Variants in PDLIM5 observed in about 807,000 individuals in gnomAD.
PDLIM5 encodes PDZ and LIM domain 5.
In PDLIM5, 34 loss-of-function variants were observed where a neutral mutation model predicts 64.2. The ratio of observed to expected loss-of-function variants is 0.53; its 90% CI spans 0.40 to 0.71. The LOEUF is 0.71. Ranked by LOEUF, PDLIM5 falls within the 30% of genes least tolerant of loss-of-function variation. The probability of loss-of-function intolerance (pLI) is 0.00; values close to 1 mark genes in which losing one functional copy is unlikely to be tolerated. For synonymous variants in PDLIM5, 253 were observed against 269.1 expected (o/e 0.94, Z 0.59); for missense variants, 683 against 733.6 (o/e 0.93, Z 0.80).
chr4:94,590,873 T>G (rs1736625228), intron 7 of PDLIM5, among the ~76,000 whole-genome samples: 1 of 152,148 alleles, frequency 6.6e-6, no homozygotes, highest in Non-Finnish European at 1.5e-5. Flanking sequence ...TGCTTGCAAA[T>G]AAAATTAGAA....
intron 8 of PDLIM5, among the ~76,000 whole-genome samples, chr4:94,632,857 C>A (rs1740268261): frequency 6.6e-6 from 1 of 152,128 alleles, no homozygotes; most frequent in African/African-American, 2.4e-5. Flanking sequence ...TCCCTAGAGT[C>A]TTCAGAAAGA....
chr4:94,543,415 T>C (rs1347628244), intron 3 of PDLIM5, among the ~76,000 whole-genome samples: 1 of 152,220 alleles, frequency 6.6e-6, no homozygotes, highest in Non-Finnish European at 1.5e-5. Flanking sequence ...ACATATGTAT[T>C]ATCCCACATT....
At chr4:94,524,756 T>C (rs1730188742) in intron 3 of PDLIM5, among the ~76,000 whole-genome samples, 1 of 152,182 alleles carries the variant, frequency 6.6e-6, no homozygotes, top group Non-Finnish European at 1.5e-5. Flanking sequence ...CTGATGTCTA[T>C]ACTGAATCCG....
intron 2 of PDLIM5, among the ~76,000 whole-genome samples, chr4:94,463,070 A>G (rs561827509): frequency 1.5e-4 from 23 of 152,204 alleles, no homozygotes; most frequent in Non-Finnish European, 2.8e-4. Flanking sequence ...TCCCATTTCT[A>G]AACTAACTTC....
chr4:94,455,004 G>A (rs1237391614), intron 1 of PDLIM5, among the ~76,000 whole-genome samples: 2 of 152,206 alleles, frequency 1.3e-5, no homozygotes, highest in African/African-American at 2.4e-5. Context: ...AGCAAGTTGT[G>A]AAACATACTA....
chr4:94,511,705 C>G (rs534382301), intron 2 of PDLIM5, among the ~76,000 whole-genome samples: 1 of 152,076 alleles, frequency 6.6e-6, no homozygotes, highest in East Asian at 1.9e-4. Context: ...CTTTTTTGGT[C>G]CCGCAGATAA....
At chr4:94,554,781 C>T (rs1733128136) in intron 3 of PDLIM5, among the ~76,000 whole-genome samples, 1 of 136,646 alleles carries the variant, frequency 7.3e-6, no homozygotes, top group Non-Finnish European at 1.6e-5. Context: ...AATGTGTGTA[C>T]AGATACATTC....
intron 2 of PDLIM5, among the ~76,000 whole-genome samples, 170 bp from the exon 3 acceptor site, chr4:94,523,554 T>C (rs1730020283): frequency 6.6e-6 from 1 of 152,220 alleles, no homozygotes; most frequent in Non-Finnish European, 1.5e-5. Context: ...TTTAAATCAT[T>C]TGAATTTTAT....
chr4:94,503,869 C>T (rs149800603), intron 2 of PDLIM5, among the ~76,000 whole-genome samples: 6 of 152,280 alleles, frequency 3.9e-5, no homozygotes, highest in East Asian at 1.9e-4. Context: ...AGTTACTTAA[C>T]GTGAGCTTAC....
intron 2 of PDLIM5, among the ~76,000 whole-genome samples, chr4:94,484,011 A>AC (rs1344034927): frequency 6.6e-6 from 1 of 152,208 alleles, no homozygotes; most frequent in Non-Finnish European, 1.5e-5. Flanking sequence ...CAAGAGAGAC[A>AC]CTTGAGACCT....
rs1725589571 is a variant in PDLIM5, at chr4:94,478,911, T to TTTTTGTTTG, written c.96+23531_96+23532insGTTTGTTTT. ...TGGTGTTTTTTTTTTTTTTTTTTTT[T>TTTTTGTTTG]TTTTTTAAGACAGGGTCTTGCTGTG... On this transcript the variant is annotated intron_variant, in intron 2 of 12. Transcript: ENST00000317968. Among the ~76,000 whole-genome samples the TTTTTGTTTG allele has an allele frequency of 1.4e-5, 2 of 145,298 alleles. 1 individual carries two copies. Among genetic ancestry groups the TTTTTGTTTG allele is most frequent in the African/African-American group, 5.4e-5 (2 of 37,192 alleles).
chr4:94,664,961 T>G lies in PDLIM5; in HGVS notation c.*894T>G. ...TAAGATTTTTTATCAAAATGTGTCA[T>G]GCCAGTAAGAGATGTTATATTCTTT... On this transcript the variant is annotated 3_prime_UTR_variant, in exon 13 of 13. Transcript: ENST00000317968. The G allele has an allele frequency of 1.0e-6, 1 of 981,856 alleles. No individual in the cohort carries two copies. The highest frequency in any genetic ancestry group is 1.2e-6 in the Non-Finnish European group (1 of 826,698). 60.8% of individuals were successfully genotyped at this position (981,856 alleles called of 1,614,324 possible). A position where few individuals can be genotyped will look rare whatever the true frequency, so the allele number is the denominator to read the frequency against.
chr4:94,501,176 G>A (rs986342321), intron 2 of PDLIM5, among the ~76,000 whole-genome samples: 5 of 151,200 alleles, frequency 3.3e-5, no homozygotes, highest in Admixed American at 1.3e-4. Flanking sequence ...AGGCTCAAGC[G>A]ATCCTCCCAC....
intron 2 of PDLIM5, among the ~76,000 whole-genome samples, chr4:94,508,266 A>G (rs1398312141): frequency 6.6e-6 from 1 of 152,204 alleles, no homozygotes; most frequent in Non-Finnish European, 1.5e-5. Context: ...ATCTACTAAC[A>G]TTTGGTGCTG....
chr4:94,663,519 A>T (rs543935820), intron 12 of PDLIM5, among the ~76,000 whole-genome samples: 5 of 150,896 alleles, frequency 3.3e-5, no homozygotes, highest in African/African-American at 7.3e-5. Context: ...GGCAGCCCTT[A>T]AAAAAAAAGG....
At chr4:94,479,528 C>T (rs539798528) in intron 2 of PDLIM5, among the ~76,000 whole-genome samples, 1 of 149,124 alleles carries the variant, frequency 6.7e-6, no homozygotes, top group Admixed American at 6.7e-5. Context: ...ATGGCATTTT[C>T]CCATGTTGCC....
chr4:94,616,398 T>C (rs1003408671), intron 7 of PDLIM5, among the ~76,000 whole-genome samples: 1 of 152,214 alleles, frequency 6.6e-6, no homozygotes, highest in Non-Finnish European at 1.5e-5. Context: ...TATACATAAT[T>C]ATCTTATTTA....
intron 2 of PDLIM5, among the ~76,000 whole-genome samples, chr4:94,494,264 A>T (rs190357235): frequency 6.6e-6 from 1 of 151,962 alleles, no homozygotes; most frequent in African/African-American, 2.4e-5. Flanking sequence ...TGCTGTGCCC[A>T]GCCAAGACTT....
intron 1 of PDLIM5, among the ~76,000 whole-genome samples, chr4:94,454,059 A>G (rs898445530): frequency 1.3e-5 from 2 of 152,194 alleles, no homozygotes; most frequent in East Asian, 1.9e-4. Context: ...TCAAATATCT[A>G]TATCTGCAAC....
Sources: gnomAD v4.1 joint callset for allele counts (sites outside exome capture counted in the v4.1 genomes callset) on GRCh38, gnomAD v4.1.1 for gene constraint, MANE v1.5 for transcripts, NCBI Gene and HGNC (gene_info 2026-07-23, HGNC 2026-07-21) for gene names.